Variants in DHX40 observed in about 807,000 individuals in gnomAD.
The protein encoded by DHX40 is probable ATP-dependent RNA helicase DHX40.
In DHX40, 28 loss-of-function variants were observed where a neutral mutation model predicts 89.6. The observed-to-expected ratio is 0.31, with a 90% CI of 0.23 to 0.43. DHX40 has a LOEUF of 0.43. Among genes scored for constraint, DHX40 ranks in the 20% least tolerant of loss-of-function variants. The pLI is 1.00. For missense variants in DHX40, 457 were observed against 844.0 expected (o/e 0.54, Z 5.68); for synonymous variants, 226 against 283.6 (o/e 0.80, Z 2.04).
At chr17:59,573,683 A>G in intron 4 of DHX40, 57 bp from the exon 5 acceptor site, 2 of 1,556,596 alleles carry the variant, frequency 1.3e-6, no homozygotes, top group South Asian at 1.1e-5. Context: ...AGTGTATCTA[A>G]AATAGTTTGG....
At position 59,565,634 on chromosome 17, in the gene DHX40, A is replaced by G. The variant is rs547699017; in HGVS notation, c.-38A>G. The G allele has an allele frequency of 6.4e-7, 1 of 1,573,228 alleles. No homozygotes were observed. Among genetic ancestry groups the G allele is most frequent in the Non-Finnish European group, 8.6e-7 (1 of 1,161,078 alleles). The stretch of plus-strand genomic sequence containing the variant: ...CGTCTTTCCCCTCCCATCTCCTCAG[A>G]TCGGTGGACGTGCTCGCCTCCACTC... On this transcript the variant is annotated 5_prime_UTR_variant, in exon 1 of 18. Transcript: ENST00000251241.
At chr17:59,575,520 A>G in intron 7 of DHX40, 49 bp downstream of exon 7, 1 of 1,593,212 alleles carries the variant, frequency 6.3e-7, no homozygotes, top group Non-Finnish European at 8.6e-7. Flanking sequence ...AAAACTTTTT[A>G]TTGAATAATC....
chr17:59,605,172 T>C lies in DHX40; in HGVS notation c.1959T>C (p.His653=). 6.2e-7 allele frequency: 1 copy of C among 1,614,114 alleles called. No homozygotes were observed. Among genetic ancestry groups the C allele is most frequent in the Non-Finnish European group, 8.5e-7 (1 of 1,179,982 alleles). The change falls in exon 16 of 18, where the codon CAT becomes CAC. Residue 653 remains histidine (H), a synonymous_variant. Coordinates refer to ENST00000251241, the MANE Select transcript of DHX40 (RefSeq NM_024612.5). The part of the protein sequence containing the change: ...MDGRGSPVHI[H]PSSALHEQET... ...GTCGTGGAAGCCCAGTTCACATTCA[T>C]CCTTCCTCAGCAGTAAGTACTTCAT...
chr17:59,570,759 C>A, intron 3 of DHX40, 96 bp downstream of exon 3: 1 of 1,289,996 alleles, frequency 7.8e-7, no homozygotes, highest in Non-Finnish European at 1.0e-6. Flanking sequence ...TCATGGCTCT[C>A]TGTAGCCTCT....
chr17:59,600,613 G>A (rs1352315907), intron 14 of DHX40, among the ~76,000 whole-genome samples: 1 of 152,144 alleles, frequency 6.6e-6, no homozygotes, highest in Non-Finnish European at 1.5e-5. Flanking sequence ...TTGGGAGGAC[G>A]AAGTGGGAGG....
intron 13 of DHX40, 47 bp downstream of exon 13, chr17:59,598,898 A>T: frequency 7.1e-7 from 1 of 1,401,042 alleles, no homozygotes; most frequent in Non-Finnish European, 1.0e-6. Flanking sequence ...TTTGATGTAT[A>T]GTTCCAATAC....
chr17:59,566,343 G>A (rs1369013920), intron 1 of DHX40, among the ~76,000 whole-genome samples: 3 of 152,208 alleles, frequency 2.0e-5, no homozygotes, highest in Non-Finnish European at 1.5e-5. Context: ...GTATGCATGT[G>A]TATACGTTGC....
intron 14 of DHX40, among the ~76,000 whole-genome samples, chr17:59,599,934 C>T (rs1395282635): frequency 6.7e-6 from 1 of 149,538 alleles, no homozygotes; most frequent in East Asian, 2.0e-4. Flanking sequence ...AGCAATTCTT[C>T]TGCCTCAGCC....
Sources: allele counts gnomAD v4.1 joint callset (sites outside exome capture counted in the v4.1 genomes callset), GRCh38; gene constraint gnomAD v4.1.1; transcripts MANE v1.5; gene names NCBI Gene and HGNC (gene_info 2026-07-23, HGNC 2026-07-21).